TMBIM1: variants seen among roughly 807,000 people sequenced by gnomAD.
The protein encoded by TMBIM1 is protein lifeguard 3.
In TMBIM1, 34 loss-of-function variants were observed where a neutral mutation model predicts 45.1. The observed-to-expected ratio is 0.75, with a 90% CI of 0.57 to 1.00. The LOEUF is 1.00. Ranked by LOEUF, TMBIM1 falls within the 50% of genes least tolerant of loss-of-function variation. The pLI is 0.00. For synonymous variants in TMBIM1, 157 were observed against 153.5 expected (o/e 1.02, Z -0.17); for missense variants, 374 against 402.4 (o/e 0.93, Z 0.60).
At chr2:218,277,180 A>C in intron 9 of TMBIM1, 81 bp from the exon 10 acceptor site, 1 of 1,293,436 alleles carries the variant, frequency 7.7e-7, no homozygotes, top group Non-Finnish European at 1.1e-6. Flanking sequence ...AGGGAGTCCC[A>C]GTGCTGCCTC....
At chr2:218,284,276 A>T (rs1427164389) in intron 1 of TMBIM1, 1 of 152,190 alleles carries the variant, frequency 6.6e-6, no homozygotes, top group African/African-American at 2.4e-5. Context: ...TCTGTGAAAT[A>T]AGGTGGGGGC....
At position 218,277,196 on chromosome 2, in the gene TMBIM1, G is replaced by A. The variant is rs1218341991; in HGVS notation, c.640-97C>T. ...GGGAGTCCCAGTGCTGCCTCCTAGG[G>A]GGTATGGGAATGTCCACAACATTCT... On this transcript the variant is annotated intron_variant, in intron 9 of 11. Coordinates refer to ENST00000258412, the MANE Select transcript of TMBIM1 (RefSeq NM_022152.6). The A allele has an allele frequency of 2.5e-6, 3 of 1,216,658 alleles. No individual in the cohort carries two copies. The Admixed American group carries it at 5.3e-5, about 22-fold the overall frequency. 75.4% of individuals were successfully genotyped at this position (1,216,658 alleles called of 1,614,324 possible).
intron 2 of TMBIM1, 148 bp downstream of exon 2, chr2:218,281,792 G>C (rs548297264): frequency 2.7e-6 from 2 of 753,576 alleles, no homozygotes; most frequent in Non-Finnish European, 4.4e-6. Context: ...GGGTAACAAA[G>C]ACAGAAACAG....
chr2:218,282,781 G>A (rs1692157608), intron 1 of TMBIM1, among the ~76,000 whole-genome samples: 2 of 152,240 alleles, frequency 1.3e-5, no homozygotes, highest in African/African-American at 4.8e-5. Context: ...GGGGGCCAGT[G>A]GCAGGCTGAG....
intron 10 of TMBIM1, 84 bp from the exon 11 acceptor site, chr2:218,276,163 G>T: frequency 6.9e-7 from 1 of 1,449,336 alleles, no homozygotes; most frequent in Non-Finnish European, 9.5e-7. Flanking sequence ...CGGGATAGTG[G>T]CATGAGAGTG....
At chr2:218,285,323 C>A (rs538375028) in intron 1 of TMBIM1, among the ~76,000 whole-genome samples, 6 of 152,318 alleles carry the variant, frequency 3.9e-5, no homozygotes, top group African/African-American at 1.4e-4. Flanking sequence ...CCAAGACTGA[C>A]TCCCAAGCCC....
chr2:218,291,779 C>T (rs923443574), intron 1 of TMBIM1, among the ~76,000 whole-genome samples: 1 of 152,046 alleles, frequency 6.6e-6, no homozygotes, highest in Admixed American at 6.5e-5. Flanking sequence ...AAAGAAGTCA[C>T]GAGGAGGATG....
chr2:218,278,087 C>A, intron 6 of TMBIM1, 113 bp from the exon 7 acceptor site: 1 of 1,263,804 alleles, frequency 7.9e-7, no homozygotes, highest in South Asian at 1.3e-5. Context: ...AGCCTTGACT[C>A]CAAGGAGGGA....
At chr2:218,275,721 T>C in intron 11 of TMBIM1, 100 bp from the exon 12 acceptor site, 1 of 1,393,250 alleles carries the variant, frequency 7.2e-7, no homozygotes, top group East Asian at 2.3e-5. Flanking sequence ...CGCCACACAG[T>C]GCTTAGGGCC....
intron 1 of TMBIM1, among the ~76,000 whole-genome samples, chr2:218,288,032 T>C (rs1166039253): frequency 6.6e-6 from 1 of 152,264 alleles, no homozygotes; most frequent in Non-Finnish European, 1.5e-5. Context: ...GCACAGTCCC[T>C]GTTCACTTCC....
intron 1 of TMBIM1, among the ~76,000 whole-genome samples, chr2:218,289,343 C>A (rs1692769563): frequency 1.3e-5 from 2 of 152,010 alleles, no homozygotes; most frequent in Admixed American, 1.3e-4. Flanking sequence ...AAGACAATTC[C>A]CCTCAAATGA....
chr2:218,278,538 G>A lies in TMBIM1; in HGVS notation c.450C>T (p.Ile150=). 1.2e-6 allele frequency: 2 copies of A among 1,614,156 alleles called. No individual in the cohort carries two copies. The highest frequency in any genetic ancestry group is 1.7e-6 in the Non-Finnish European group (2 of 1,180,028). The change falls in exon 6 of 12, where the codon ATC becomes ATT. Residue 150 remains isoleucine, a synonymous_variant. Transcript: ENST00000258412. ...SYAVFVVTYL[I]LACCQGPRRR... ...ACCTGGGTCCCTGGCAGCAGGCAAG[G>A]ATCAGGTAGGTGACAACGAAGACAG...
intron 1 of TMBIM1, among the ~76,000 whole-genome samples, chr2:218,287,993 T>C (rs1381021017): frequency 6.6e-6 from 1 of 152,228 alleles, no homozygotes. Context: ...GAGGAAGCCA[T>C]TAGCAGGCTG....
At position 218,279,353 on chromosome 2, in the gene TMBIM1, C is replaced by A. The variant is rs201270378; in HGVS notation, c.304G>T (p.Val102Phe). The change falls in exon 4 of 12, where the codon GTT becomes TTT. Residue 102 changes from valine to phenylalanine, a missense_variant and splice_region_variant. Coordinates refer to ENST00000258412, the MANE Select transcript of TMBIM1 (RefSeq NM_022152.6). Reference sequence around the variant, plus strand: ...AGCTGCACGGAGATGATGGAGTAAACCTGGACACAGACGGCCGGGCATGGG... The same window carrying A: ...AGCTGCACGGAGATGATGGAGTAAAACTGGACACAGACGGCCGGGCATGGG... ...RKVRHTFIRK[V>F]YSIISVQLLI... is the part of the protein sequence containing the mutation. The A allele has an allele frequency of 1.3e-6, 2 of 1,571,486 alleles. No individual in the cohort carries two copies. The highest frequency in any genetic ancestry group is 2.4e-5 in the South Asian group (2 of 84,346).
In TMBIM1 at chr2:218,276,098, G is replaced by C. The variant is rs1182847448; in HGVS notation, c.736-19C>G. 6.2e-7 allele frequency: 1 copy of C among 1,611,522 alleles called. No homozygotes were observed. Among genetic ancestry groups the C allele is most frequent in the South Asian group, 1.1e-5 (1 of 90,278 alleles). ...AGTAAACCTGGAGAAGAAGGGGACA[G>C]AGAATGGCATTAGAAACCTCAGCAA... On this transcript the variant is annotated intron_variant, in intron 10 of 11. Coordinates refer to ENST00000258412, the MANE Select transcript of TMBIM1 (RefSeq NM_022152.6).
At chr2:218,275,912 G>T in intron 11 of TMBIM1, 114 bp downstream of exon 11, 1 of 1,244,130 alleles carries the variant, frequency 8.0e-7, no homozygotes, top group Non-Finnish European at 1.1e-6. Context: ...TGAGAGGAAT[G>T]GCCTGCTATG....
chr2:218,281,955 T>A lies in TMBIM1; in HGVS notation c.187A>T (p.Met63Leu). The A allele has an allele frequency of 6.9e-6, 11 of 1,598,944 alleles. No individual in the cohort carries two copies. Among genetic ancestry groups the A allele is most frequent in the Non-Finnish European group, 9.4e-6 (11 of 1,173,838 alleles). Residue 63 changes from methionine to leucine, a missense_variant, in exon 2 of 12, where the codon ATG (methionine) becomes TTG (leucine). By Grantham distance (15) the Met-to-Leu change is conservative. Coordinates refer to ENST00000258412, the MANE Select transcript of TMBIM1 (RefSeq NM_022152.6). ...YPQPMPPTHP[M>L]PMNYGPGHGY... The stretch of plus-strand genomic sequence containing the variant: ...CAGGACTCACCGTAGTTCATGGGCA[T>A]CGGGTGGGTGGGGGGCATGGGCTGT...
In TMBIM1 at chr2:218,277,446, G is replaced by C. The variant is rs1298189070; in HGVS notation, c.559C>G (p.Gln187Glu). The C allele has an allele frequency of 1.2e-6, 2 of 1,614,004 alleles. No individual in the cohort carries two copies. Among genetic ancestry groups the C allele is most frequent in the Admixed American group, 3.3e-5 (2 of 60,002 alleles). ...ATTGCAATGATGACGGCTTTGGTTT[G>C]GTACATACTGGGGAGAAGCAGGAGT... ...FMTGTISSMY[Q>E]TKAVIIAMII... is the part of the protein sequence containing the mutation. The change falls in exon 9 of 12, where the codon CAA (glutamine) becomes GAA (glutamate). Residue 187 changes from glutamine (Q) to glutamate (E), a missense_variant. By Grantham distance (29) the Gln-to-Glu change is conservative (BLOSUM62 2). Coordinates refer to ENST00000258412, the MANE Select transcript of TMBIM1 (RefSeq NM_022152.6).
chr2:218,278,373 C>A, intron 6 of TMBIM1, 142 bp downstream of exon 6: 1 of 841,192 alleles, frequency 1.2e-6, no homozygotes, highest in Admixed American at 2.0e-5. Flanking sequence ...TACACCTGAA[C>A]AGTAGCTGTC....
Sources: gnomAD v4.1 joint callset for allele counts (sites outside exome capture counted in the v4.1 genomes callset) on GRCh38, gnomAD v4.1.1 for gene constraint, MANE v1.5 for transcripts, NCBI Gene and HGNC (gene_info 2026-07-23, HGNC 2026-07-21) for gene names.